ANKFY1: variants seen among roughly 807,000 people sequenced by gnomAD.
The protein encoded by ANKFY1 is ankyrin repeat and FYVE domain containing 1, also known as ankyrin repeat and FYVE domain-containing protein 1.
ANKFY1 carries 47 observed loss-of-function variants against 128.3 expected under a neutral mutation model. The ratio of observed to expected loss-of-function variants is 0.37; its 90% confidence interval spans 0.29 to 0.47. ANKFY1 has a LOEUF of 0.47. Ranked by LOEUF, ANKFY1 falls within the 20% of genes least tolerant of loss-of-function variation. The probability of loss-of-function intolerance (pLI) is 1.00; values close to 1 mark genes in which losing one functional copy is unlikely to be tolerated. For synonymous variants in ANKFY1, 553 were observed against 601.6 expected (o/e 0.92, Z 1.18); for missense variants, 1,222 against 1,510.6 (o/e 0.81, Z 3.17).
intron 3 of ANKFY1, chr17:4,223,249 G>T (rs2060358488): frequency 3.6e-6 from 3 of 824,238 alleles, no homozygotes; most frequent in Non-Finnish European, 6.4e-6. Context: ...AGCCCATGGT[G>T]ACACTGCCTT....
chr17:4,228,477 C>G (rs2060462459), intron 3 of ANKFY1, among the ~76,000 whole-genome samples: 2 of 151,472 alleles, frequency 1.3e-5, no homozygotes, highest in South Asian at 4.2e-4. Context: ...AGTGCAATGA[C>G]GCGATCTCGG....
chr17:4,234,677 T>A (rs746036769), intron 3 of ANKFY1, among the ~76,000 whole-genome samples: 7 of 152,118 alleles, frequency 4.6e-5, no homozygotes, highest in Non-Finnish European at 8.8e-5. Context: ...CCTGTCCAGC[T>A]AATTTTTTCT....
chr17:4,175,995 T>C (rs1325606611), intron 19 of ANKFY1, among the ~76,000 whole-genome samples: 2 of 152,130 alleles, frequency 1.3e-5, no homozygotes, highest in Non-Finnish European at 2.9e-5. Flanking sequence ...TACAGAGGCA[T>C]AAAGACTGAT....
In ANKFY1 at chr17:4,179,188, A is replaced by G. The variant is rs191422226; in HGVS notation, c.2398-131T>C. The G allele has an allele frequency of 3.0e-6, 3 of 998,452 alleles. No individual in the cohort carries two copies. The Admixed American group carries it at 6.5e-5, about 22-fold the overall frequency. The allele number at this position is 998,452 out of a possible 1,614,324, so 61.8% of individuals were successfully genotyped here. ...AATACTACCACCCTGTGTTTGACTC[A>G]GCTTTTGAAGAGGCCAAAGAGAAAT... On this transcript the variant is annotated intron_variant, in intron 17 of 24. Coordinates refer to ENST00000341657, the MANE Select transcript of ANKFY1 (RefSeq NM_001330063.2).
Position 4,209,310 on chromosome 17 carries a change from G to C in ANKFY1, c.582+514C>G, listed in dbSNP as rs562649561. Among the ~76,000 whole-genome samples the C allele has an allele frequency of 1.6e-3, 246 of 152,124 alleles. 1 individual carries two copies. Among genetic ancestry groups the C allele is most frequent in the African/African-American group, 5.2e-3 (217 of 41,492 alleles). ...TTCTGGACCTCAGCTATCTTTTTTGGGGGGGCGGGAGACGGAGTCTCGCTC... is the reference window on the plus strand; with the variant it reads ...TTCTGGACCTCAGCTATCTTTTTTGCGGGGGCGGGAGACGGAGTCTCGCTC... On this transcript the variant is annotated intron_variant, in intron 5 of 24. Transcript: ENST00000341657.
chr17:4,190,461 T>C (rs1441089664), intron 10 of ANKFY1, among the ~76,000 whole-genome samples: 1 of 151,232 alleles, frequency 6.6e-6, no homozygotes, highest in Non-Finnish European at 1.5e-5. Context: ...AAAAAAGAAA[T>C]GTCTACAGAT....
chr17:4,195,268 T>G, intron 9 of ANKFY1, 91 bp from the exon 10 acceptor site: 3 of 1,396,932 alleles, frequency 2.1e-6, no homozygotes, highest in Non-Finnish European at 2.9e-6. Context: ...TTACCCTTTT[T>G]CAATGACACA....
At chr17:4,249,663 T>A (rs1967730558) in intron 1 of ANKFY1, among the ~76,000 whole-genome samples, 1 of 152,158 alleles carries the variant, frequency 6.6e-6, no homozygotes, top group African/African-American at 2.4e-5. Context: ...TACCAAACTC[T>A]AATCCACAAC....
In ANKFY1 at chr17:4,179,400, CAG is replaced by C. The variant is rs1414987766; in HGVS notation, c.2397+319_2397+320del. 8 of 518,706 alleles carry C rather than the reference CAG, an allele frequency of 1.5e-5. 1 individual carries two copies. The highest frequency in any genetic ancestry group is 1.4e-4 in the South Asian group (6 of 42,752). The allele number at this position is 518,706 out of a possible 1,614,324, so 32.1% of individuals were successfully genotyped here. A position where few individuals can be genotyped will look rare whatever the true frequency, so the allele number is the denominator to read the frequency against. ...TTGAAAAGCATCAAAGGGCGTAACT[CAG>C]GGGTGCTCAAGTGAGCTACTGGGAC... On this transcript the variant is annotated intron_variant, in intron 17 of 24. Coordinates refer to ENST00000341657, the MANE Select transcript of ANKFY1 (RefSeq NM_001330063.2).
At chr17:4,213,700 T>C (rs1339458189) in intron 4 of ANKFY1, among the ~76,000 whole-genome samples, 1 of 151,498 alleles carries the variant, frequency 6.6e-6, no homozygotes, top group African/African-American at 2.4e-5. Context: ...CTGCCTCCCG[T>C]GTAGCTGGGA....
chr17:4,243,758 C>A (rs1361763864), intron 1 of ANKFY1, among the ~76,000 whole-genome samples: 3 of 152,162 alleles, frequency 2.0e-5, no homozygotes, highest in African/African-American at 7.2e-5. Flanking sequence ...GGCATGCCAT[C>A]TTCCGCAGGT....
intron 14 of ANKFY1, among the ~76,000 whole-genome samples, 193 bp from the exon 15 acceptor site, chr17:4,182,542 T>C (rs1201914552): frequency 6.6e-6 from 1 of 152,238 alleles, no homozygotes; most frequent in African/African-American, 2.4e-5. Context: ...CACATAACCA[T>C]GTCACCTTAT....
At chr17:4,260,172 G>A (rs1264037096) in intron 1 of ANKFY1, among the ~76,000 whole-genome samples, 5 of 152,180 alleles carry the variant, frequency 3.3e-5, no homozygotes, top group Non-Finnish European at 5.9e-5. Flanking sequence ...TGAGGGGCAG[G>A]AGTATTAAGA....
chr17:4,182,109 C>T, intron 15 of ANKFY1, 72 bp downstream of exon 15: 1 of 1,332,516 alleles, frequency 7.5e-7, no homozygotes, highest in South Asian at 2.5e-5. Flanking sequence ...GACAGCTACG[C>T]AGGCAGCAGA....
intron 3 of ANKFY1, among the ~76,000 whole-genome samples, chr17:4,232,310 G>C (rs940951036): frequency 2.6e-5 from 4 of 152,062 alleles, no homozygotes; most frequent in African/African-American, 7.2e-5. Flanking sequence ...TAACACACAG[G>C]CTTCCCAGGC....
chr17:4,188,790 CA>C (rs2059655986), intron 11 of ANKFY1: 1 of 151,172 alleles, frequency 6.6e-6, no homozygotes, highest in East Asian at 1.9e-4. Flanking sequence ...TGCTTGAATC[CA>C]GGTGGCAGAG....
chr17:4,185,151 G>T, intron 11 of ANKFY1, 105 bp from the exon 12 acceptor site: 1 of 929,282 alleles, frequency 1.1e-6, no homozygotes, highest in Non-Finnish European at 1.7e-6. Flanking sequence ...TCATCCTGCC[G>T]CCAGCTGCCC....
intron 10 of ANKFY1, among the ~76,000 whole-genome samples, chr17:4,193,430 T>A (rs1262714485): frequency 3.1e-5 from 1 of 32,564 alleles, no homozygotes; most frequent in Non-Finnish European, 1.4e-4. Context: ...TTTTTTTTTT[T>A]TTTTTTTTTT....
intron 5 of ANKFY1, among the ~76,000 whole-genome samples, chr17:4,208,956 G>C (rs2143016638): frequency 6.6e-6 from 1 of 152,178 alleles, no homozygotes; most frequent in South Asian, 2.1e-4. Context: ...CTACTCAGGA[G>C]GCCAAGGCAG....
Sources: gnomAD v4.1 joint callset for allele counts (sites outside exome capture counted in the v4.1 genomes callset) on GRCh38, gnomAD v4.1.1 for gene constraint, MANE v1.5 for transcripts, NCBI Gene and HGNC (gene_info 2026-07-23, HGNC 2026-07-21) for gene names.